GLYR1: variants seen among roughly 807,000 people sequenced by gnomAD.
The protein encoded by GLYR1 is glyoxylate reductase 1 homolog.
In GLYR1, 21 loss-of-function variants were observed where a neutral mutation model predicts 72.7. The observed-to-expected ratio is 0.29, with a 90% confidence interval of 0.20 to 0.42. GLYR1 has a LOEUF of 0.42. Among genes scored for constraint, GLYR1 ranks in the 10% least tolerant of loss-of-function variants. GLYR1 has a pLI of 1.00. For synonymous variants in GLYR1, 392 were observed against 270.2 expected (o/e 1.45, Z -4.42); for missense variants, 594 against 712.1 (o/e 0.83, Z 1.89).
intron 15 of GLYR1, among the ~76,000 whole-genome samples, chr16:4,807,767 T>C (rs1056343575): frequency 6.6e-6 from 1 of 152,186 alleles, no homozygotes; most frequent in East Asian, 1.9e-4. Context: ...GAAATAACTA[T>C]AGTCAGAAAT....
chr16:4,813,503 T>A (rs1197113983), intron 12 of GLYR1, among the ~76,000 whole-genome samples: 1 of 152,214 alleles, frequency 6.6e-6, no homozygotes, highest in African/African-American at 2.4e-5. Flanking sequence ...ATCATAAGGC[T>A]GGCAGCTCCA....
Position 4,822,875 on chromosome 16 carries a change from C to T in GLYR1, c.681G>A (p.Lys227=). 1 of 1,614,014 alleles carries T rather than the reference C, an allele frequency of 6.2e-7. No homozygotes were observed. Among genetic ancestry groups the T allele is most frequent in the Non-Finnish European group, 8.5e-7 (1 of 1,179,858 alleles). ...FHHFLLSQTE[K]PAVCYQAITK... is the part of the protein sequence containing the mutation. ...GCCAAGAGCCTCAAAGGCAACTCAC[C>T]TTCTCTGTTTGGCTTAGCAGGAAAT... The change falls in exon 7 of 16, where the codon AAG becomes AAA. Residue 227 remains lysine (K), a splice_region_variant and synonymous_variant. Transcript: ENST00000321919.
chr16:4,815,815 G>A (rs938253827), intron 10 of GLYR1, among the ~76,000 whole-genome samples: 1 of 151,300 alleles, frequency 6.6e-6, no homozygotes, highest in Admixed American at 6.6e-5. Flanking sequence ...ACAGAGTCTC[G>A]CTGTCGCCCA....
At chr16:4,830,514 C>T (rs2084727248) in intron 5 of GLYR1, among the ~76,000 whole-genome samples, 1 of 152,210 alleles carries the variant, frequency 6.6e-6, no homozygotes, top group Non-Finnish European at 1.5e-5. Context: ...ACCCGTGCCA[C>T]TGCTTCTTAG....
chr16:4,807,107 C>CTTTTT (rs765039360), intron 15 of GLYR1, among the ~76,000 whole-genome samples: 1 of 110,880 alleles, frequency 9.0e-6, no homozygotes, highest in Admixed American at 9.7e-5. Context: ...CGCCTGGCCC[C>CTTTTT]TTTTTTTTTT....
At chr16:4,830,389 A>G (rs2084716557) in intron 5 of GLYR1, among the ~76,000 whole-genome samples, 1 of 152,058 alleles carries the variant, frequency 6.6e-6, no homozygotes, top group Non-Finnish European at 1.5e-5. Flanking sequence ...AAAAACAGAC[A>G]ATTTGGCAGA....
At chr16:4,811,077 C>G in intron 15 of GLYR1, 93 bp downstream of exon 15, 1 of 1,489,712 alleles carries the variant, frequency 6.7e-7, no homozygotes, top group Non-Finnish European at 9.0e-7. Context: ...TGCACTCTAG[C>G]CTGGGTGACA....
Position 4,803,761 on chromosome 16 carries a change from G to C in GLYR1, c.*1475C>G, listed in dbSNP as rs1407009870. 1 of 152,202 alleles carries C rather than the reference G, an allele frequency of 6.6e-6. No individual in the cohort carries two copies. The highest frequency in any genetic ancestry group is 1.5e-5 in the Non-Finnish European group (1 of 68,046). The allele number at this position is 152,202 out of a possible 1,614,324, so 9.4% of individuals were successfully genotyped here. A position where few individuals can be genotyped will look rare whatever the true frequency, so the allele number is the denominator to read the frequency against. Reference sequence around the variant, plus strand: ...TCTGAAAGGGGCCAAAGCTGTGAGGGGGGAAGGACCCCGCCCTAGTGTGGC... The same window carrying C: ...TCTGAAAGGGGCCAAAGCTGTGAGGCGGGAAGGACCCCGCCCTAGTGTGGC... On this transcript the variant is annotated 3_prime_UTR_variant, in exon 16 of 16. Transcript: ENST00000321919.
At chr16:4,844,672 A>G (rs2085837626) in intron 3 of GLYR1, among the ~76,000 whole-genome samples, 1 of 152,194 alleles carries the variant, frequency 6.6e-6, no homozygotes, top group African/African-American at 2.4e-5. Flanking sequence ...GAGGTGAGAG[A>G]ACCGCTTGAG....
Position 4,844,980 on chromosome 16 carries a change from G to A in GLYR1, c.155+94C>T. 8 of 829,880 alleles carry A rather than the reference G, an allele frequency of 9.6e-6. 1 individual carries two copies. In the South Asian group the frequency reaches 1.2e-4, roughly 12 times the overall value. 51.4% of individuals were successfully genotyped at this position (829,880 alleles called of 1,614,324 possible). On this transcript the variant is annotated intron_variant, in intron 3 of 15. Transcript: ENST00000321919. ...CAGTATTACACATTATAAGAAGACT[G>A]AACTAAGGATCCTTAGAATATTTTC...
rs757796810 is a variant in GLYR1, at chr16:4,811,765, C to A, written c.1320G>T (p.Val440=). 1.9e-6 allele frequency: 3 copies of A among 1,613,990 alleles called. No homozygotes were observed. Residue 440 remains valine (V), a synonymous_variant, in exon 14 of 16, where the codon GTG becomes GTT. Transcript: ENST00000321919. ...VGNAAKMMLI[V]NMVQGSFMAT... ...CCATGAAGCTCCCTTGGACCATGTT[C>A]ACGATCAGCATCATCTTGGCTGCAT... is the stretch of plus-strand genomic sequence containing the variant.
intron 11 of GLYR1, among the ~76,000 whole-genome samples, chr16:4,814,147 G>C (rs1201152632): frequency 1.3e-5 from 2 of 151,308 alleles, no homozygotes; most frequent in African/African-American, 4.9e-5. Context: ...ACTTGGATTA[G>C]GCTAGTCACC....
At chr16:4,805,573 T>C (rs780625050) in intron 15 of GLYR1, among the ~76,000 whole-genome samples, 7 of 152,252 alleles carry the variant, frequency 4.6e-5, no homozygotes, top group Non-Finnish European at 8.8e-5. Flanking sequence ...ACATTCAGCA[T>C]TGGCCGGGCA....
chr16:4,831,230 T>C lies in GLYR1; in HGVS notation c.537+749A>G, dbSNP rs1375557244. On this transcript the variant is annotated intron_variant, in intron 5 of 15. Transcript: ENST00000321919. Reference sequence around the variant, plus strand: ...CCTCTTTGCTTGCAACATTTGCAATTACCCCCTTATGAATGCACGCCTAGA... The same window carrying C: ...CCTCTTTGCTTGCAACATTTGCAATCACCCCCTTATGAATGCACGCCTAGA... 3.3e-5 allele frequency among the ~76,000 whole-genome samples: 5 copies of C among 152,264 alleles called. No individual in the cohort carries two copies. The South Asian group carries it at 8.3e-4, about 25-fold the overall frequency.
At chr16:4,825,101 TCA>T (rs2084295943) in intron 5 of GLYR1, among the ~76,000 whole-genome samples, 1 of 152,098 alleles carries the variant, frequency 6.6e-6, no homozygotes, top group Admixed American at 6.6e-5. Context: ...CTGCTTCCAC[TCA>T]CAGTCTAGTC....
intron 3 of GLYR1, among the ~76,000 whole-genome samples, chr16:4,837,431 TA>T (rs879788109): frequency 2.8e-3 from 383 of 139,188 alleles, no homozygotes; most frequent in Admixed American, 2.6e-3. Context: ...ACTTGGTCTT[TA>T]AAAAAAAAAA....
intron 3 of GLYR1, among the ~76,000 whole-genome samples, chr16:4,841,054 C>A (rs79846833): frequency 0.037 from 5,707 of 152,260 alleles, 117 homozygotes; most frequent in Middle Eastern, 0.054. Context: ...AGAACTCTAG[C>A]AAAGGAGTTT....
chr16:4,813,848 C>G lies in GLYR1; in HGVS notation c.1018-10G>C, dbSNP rs375805477. On this transcript the variant is annotated splice_polypyrimidine_tract_variant and intron_variant, in intron 11 of 15. Transcript: ENST00000321919. Reference sequence around the variant, plus strand: ...TGGGGCCCAGCACCAGCTGTGGGGACACAAGGGAGAAGCAATAGCCCAGGC... The same window carrying G: ...TGGGGCCCAGCACCAGCTGTGGGGAGACAAGGGAGAAGCAATAGCCCAGGC... The G allele has an allele frequency of 6.9e-6, 11 of 1,602,724 alleles. No individual in the cohort carries two copies. Among genetic ancestry groups the G allele is most frequent in the Non-Finnish European group, 8.5e-7 (1 of 1,173,082 alleles).
At chr16:4,820,342 G>C (rs893656684) in intron 9 of GLYR1, among the ~76,000 whole-genome samples, 4 of 152,130 alleles carry the variant, frequency 2.6e-5, no homozygotes, top group African/African-American at 9.7e-5. Context: ...CTGTGTCTCA[G>C]ACAAAATGGA....
Sources: gnomAD v4.1 joint callset for allele counts (sites outside exome capture counted in the v4.1 genomes callset) on GRCh38, gnomAD v4.1.1 for gene constraint, MANE v1.5 for transcripts, NCBI Gene and HGNC (gene_info 2026-07-23, HGNC 2026-07-21) for gene names.